The following FMNL2 variants were observed in gnomAD, a reference collection of about 807,000 sequenced individuals.
FMNL2 encodes formin-like protein 2.
A neutral mutation model predicts 130.2 loss-of-function variants in FMNL2; 51 were observed. The ratio of observed to expected loss-of-function variants is 0.39; its 90% CI spans 0.31 to 0.49. The LOEUF (loss-of-function observed/expected upper bound fraction) is 0.49, where lower values mean the gene tolerates loss of function less well. Ranked by LOEUF, FMNL2 falls within the 20% of genes least tolerant of loss-of-function variation. The pLI, the probability that FMNL2 is intolerant of heterozygous loss-of-function variation, is 0.85. For synonymous variants in FMNL2, 465 were observed against 467.1 expected (o/e 1.00, Z 0.06); for missense variants, 977 against 1,316.2 (o/e 0.74, Z 3.99).
chr2:152,449,711 G>A (rs1457259037), intron 1 of FMNL2, among the ~76,000 whole-genome samples: 1 of 152,124 alleles, frequency 6.6e-6, no homozygotes, highest in Non-Finnish European at 1.5e-5. Flanking sequence ...AAGAGTTACG[G>A]CTTTTTAGAA....
At chr2:152,467,557 C>T (rs4664586) in intron 1 of FMNL2, among the ~76,000 whole-genome samples, 92,071 of 152,052 alleles carry the variant, frequency 0.61, 30,383 homozygotes, top group East Asian at 0.97. Context: ...TGTGTAGTTA[C>T]GCTGCATCTT....
chr2:152,561,070 G>A (rs1451982945), intron 6 of FMNL2, 35 bp downstream of exon 6: 4 of 1,553,646 alleles, frequency 2.6e-6, no homozygotes, highest in Admixed American at 3.8e-5. Flanking sequence ...ACTTTGGCAG[G>A]ATGCACTGGG....
intron 1 of FMNL2, among the ~76,000 whole-genome samples, chr2:152,486,046 G>A (rs954367834): frequency 1.3e-5 from 2 of 152,136 alleles, no homozygotes; most frequent in African/African-American, 4.8e-5. Context: ...CAGAACTTGG[G>A]TATCTTGAGG....
At chr2:152,560,214 G>A (rs1695449317) in intron 5 of FMNL2, among the ~76,000 whole-genome samples, 1 of 150,338 alleles carries the variant, frequency 6.7e-6, no homozygotes, top group Admixed American at 6.7e-5. Flanking sequence ...GGGGGGAAAT[G>A]CATGGAGCAC....
intron 1 of FMNL2, among the ~76,000 whole-genome samples, chr2:152,409,002 C>T (rs975766544): frequency 2.0e-5 from 3 of 151,798 alleles, no homozygotes; most frequent in Non-Finnish European, 4.4e-5. Flanking sequence ...CAACAAAGAA[C>T]TAGAAGTTTC....
chr2:152,342,605 G>A (rs1282178066), intron 1 of FMNL2, among the ~76,000 whole-genome samples: 1 of 152,178 alleles, frequency 6.6e-6, no homozygotes, highest in Non-Finnish European at 1.5e-5. Context: ...CTTCCCTTTA[G>A]AATTCCATCT....
intron 1 of FMNL2, among the ~76,000 whole-genome samples, chr2:152,444,191 G>A (rs994428726): frequency 6.6e-6 from 1 of 152,072 alleles, no homozygotes; most frequent in Admixed American, 6.5e-5. Context: ...GGATTTTCAC[G>A]ATGATGATGA....
intron 1 of FMNL2, among the ~76,000 whole-genome samples, chr2:152,418,902 C>T (rs1323702897): frequency 1.3e-5 from 2 of 151,494 alleles, no homozygotes; most frequent in Non-Finnish European, 2.9e-5. Flanking sequence ...ACGGTGTCTG[C>T]TGCACCCTAG....
chr2:152,335,721 G>C lies in FMNL2; in HGVS notation c.117+1G>C, dbSNP rs1457318180. On this transcript the variant is annotated splice_donor_variant, in intron 1 of 25. Coordinates refer to ENST00000288670, the MANE Select transcript of FMNL2 (RefSeq NM_052905.4). LOFTEE classifies it high-confidence loss of function. ...GGAGGAGCGATTTGCCATCGTGCTG[G>C]TAAGTGCGCGGCGGCGGTCGGGCGC... 6.4e-7 allele frequency: 1 copy of C among 1,568,566 alleles called. No homozygotes were observed. The highest frequency in any genetic ancestry group is 8.6e-7 in the Non-Finnish European group (1 of 1,159,056).
intron 6 of FMNL2, among the ~76,000 whole-genome samples, chr2:152,562,432 G>A (rs905605307): frequency 1.1e-4 from 17 of 152,296 alleles, no homozygotes; most frequent in Admixed American, 1.1e-3. Context: ...TTTGGATTTG[G>A]TTGTCTAATT....
chr2:152,445,690 A>G (rs1688294655), intron 1 of FMNL2, among the ~76,000 whole-genome samples: 2 of 152,184 alleles, frequency 1.3e-5, no homozygotes, highest in Non-Finnish European at 2.9e-5. Flanking sequence ...GTTGGTCTGG[A>G]TCAGGGGTTG....
At chr2:152,376,843 G>A (rs71417220) in intron 1 of FMNL2, among the ~76,000 whole-genome samples, 8,123 of 152,236 alleles carry the variant, frequency 0.053, 277 homozygotes, top group Non-Finnish European at 0.076. Flanking sequence ...GTTTGGTTAG[G>A]ACACCAGTTA....
intron 1 of FMNL2, among the ~76,000 whole-genome samples, chr2:152,410,812 AC>A (rs771402552): frequency 6.6e-6 from 1 of 151,362 alleles, no homozygotes; most frequent in African/African-American, 2.4e-5. Context: ...TTGAAATGAG[AC>A]CCCCCCTTGG....
At chr2:152,391,907 T>C (rs1685132321) in intron 1 of FMNL2, among the ~76,000 whole-genome samples, 1 of 46,924 alleles carries the variant, frequency 2.1e-5, no homozygotes, top group Non-Finnish European at 5.0e-5. Context: ...AGCTAGAAGT[T>C]GTTTTTTTTT....
chr2:152,336,088 T>TTAAAC (rs1200322808), intron 1 of FMNL2, among the ~76,000 whole-genome samples: 27 of 67,328 alleles, frequency 4.0e-4, no homozygotes, highest in Non-Finnish European at 3.7e-4. Context: ...GCTTTTTTTT[T>TTAAAC]AAAAAAAACA....
At chr2:152,523,677 A>G (rs1349828084) in intron 2 of FMNL2, among the ~76,000 whole-genome samples, 1 of 152,220 alleles carries the variant, frequency 6.6e-6, no homozygotes, top group African/African-American at 2.4e-5. Context: ...GAGTGTCACA[A>G]TAAATGCTTT....
chr2:152,590,615 A>T (rs1463025188), intron 9 of FMNL2, among the ~76,000 whole-genome samples: 2 of 144,626 alleles, frequency 1.4e-5, no homozygotes, highest in Non-Finnish European at 3.1e-5. Context: ...CTCTGTCTTT[A>T]AAAAAAAAAA....
intron 1 of FMNL2, among the ~76,000 whole-genome samples, chr2:152,497,868 C>T (rs1251577069): frequency 6.6e-6 from 1 of 152,150 alleles, no homozygotes; most frequent in African/African-American, 2.4e-5. Context: ...TCATCTGAGG[C>T]TTGGGAGTCC....
At chr2:152,374,200 G>A (rs1220406105) in intron 1 of FMNL2, among the ~76,000 whole-genome samples, 2 of 152,166 alleles carry the variant, frequency 1.3e-5, no homozygotes, top group Admixed American at 6.5e-5. Context: ...AAGAGAGGCT[G>A]CAAAGGGGAA....
Sources: allele counts gnomAD v4.1 joint callset (sites outside exome capture counted in the v4.1 genomes callset), GRCh38; gene constraint gnomAD v4.1.1; transcripts MANE v1.5; gene names NCBI Gene and HGNC (gene_info 2026-07-23, HGNC 2026-07-21).